The following EXD3 variants were observed in gnomAD, a reference collection of about 807,000 sequenced individuals.
The protein encoded by EXD3 is exonuclease mut-7 homolog.
A neutral mutation model predicts 98.0 loss-of-function variants in EXD3; 92 were observed. The ratio of observed to expected loss-of-function variants is 0.94; its 90% CI spans 0.79 to 1.12. The LOEUF (loss-of-function observed/expected upper bound fraction) is 1.12. Ranked by LOEUF, EXD3 falls within the 50% of genes most tolerant of loss-of-function variation. The pLI is 0.00. For missense variants in EXD3, 1,222 were observed against 1,191.6 expected, an observed-to-expected ratio of 1.03 and a Z score of -0.38; for synonymous variants, 569 against 526.0, an observed-to-expected ratio of 1.08 and a Z score of -1.12.
intron 17 of EXD3, among the ~76,000 whole-genome samples, chr9:137,328,111 C>A (rs538891976): frequency 0.015 from 2,300 of 150,958 alleles, 3 homozygotes; most frequent in Middle Eastern, 0.046. Context: ...AACTAATATA[C>A]ACCCATATGA....
chr9:137,334,150 C>T (rs867317210), intron 17 of EXD3, among the ~76,000 whole-genome samples: 5 of 152,136 alleles, frequency 3.3e-5, no homozygotes, highest in African/African-American at 4.8e-5. Context: ...TACAGGCACC[C>T]GCCACCACAC....
At chr9:137,328,578 G>A (rs917261336) in intron 17 of EXD3, among the ~76,000 whole-genome samples, 5 of 97,064 alleles carry the variant, frequency 5.2e-5, no homozygotes, top group African/African-American at 2.1e-4. Flanking sequence ...TAGTTACACA[G>A]GAGCTACACG....
chr9:137,377,445 T>TAAAAA (rs60776134), intron 3 of EXD3, among the ~76,000 whole-genome samples: 1 of 94,490 alleles, frequency 1.1e-5, no homozygotes, highest in African/African-American at 3.9e-5. Context: ...ACTCTGTCTC[T>TAAAAA]AAAAAAAAAA....
At chr9:137,391,323 G>A (rs1428986281) in intron 2 of EXD3, among the ~76,000 whole-genome samples, 2 of 152,242 alleles carry the variant, frequency 1.3e-5, no homozygotes, top group Non-Finnish European at 2.9e-5. Context: ...CGGGTGCCGA[G>A]GAACCCGTCT....
intron 11 of EXD3, 143 bp from the exon 12 acceptor site, chr9:137,352,344 C>T: frequency 8.4e-7 from 1 of 1,190,206 alleles, no homozygotes; most frequent in South Asian, 1.5e-5. Flanking sequence ...CTCAGTCCAG[C>T]CCAGCGTGAC....
chr9:137,415,002 C>T (rs1838170745), intron 1 of EXD3, among the ~76,000 whole-genome samples: 2 of 152,062 alleles, frequency 1.3e-5, no homozygotes, highest in Non-Finnish European at 2.9e-5. Context: ...ATTCTCCTGC[C>T]TCAGCCTCCC....
Position 137,349,643 on chromosome 9 carries a change from A to T in EXD3, c.1495-112T>A. 6.1e-6 allele frequency: 7 copies of T among 1,139,246 alleles called. No individual in the cohort carries two copies. The highest frequency in any genetic ancestry group is 8.3e-6 in the Non-Finnish European group (7 of 846,242). 70.6% of individuals were successfully genotyped at this position (1,139,246 alleles called of 1,614,324 possible). A position where few individuals can be genotyped will look rare whatever the true frequency, so the allele number is the denominator to read the frequency against. The stretch of plus-strand genomic sequence containing the variant: ...CTCTGGAGGAGGCCCCGCCCCCTCC[A>T]CCAGCGGCCCCCACAGCAGAGACGG... On this transcript the variant is annotated intron_variant, in intron 14 of 21. Coordinates refer to ENST00000340951, the MANE Select transcript of EXD3 (RefSeq NM_017820.5). The surrounding 1 kb of genome is among the most constrained non-coding windows in gnomAD (Gnocchi z 7.4).
chr9:137,388,415 A>C (rs1459431318), intron 2 of EXD3, among the ~76,000 whole-genome samples: 1 of 152,134 alleles, frequency 6.6e-6, no homozygotes, highest in Non-Finnish European at 1.5e-5. Flanking sequence ...ACTTCCTCCA[A>C]ACGACACCCG....
intron 17 of EXD3, among the ~76,000 whole-genome samples, chr9:137,344,582 C>T (rs1412259319): frequency 1.3e-5 from 2 of 152,206 alleles, no homozygotes; most frequent in African/African-American, 4.8e-5. Flanking sequence ...CTCACTCCTG[C>T]ACAGATACAC....
chr9:137,363,662 GT>G (rs1835094472), intron 7 of EXD3, among the ~76,000 whole-genome samples: 1 of 152,030 alleles, frequency 6.6e-6, no homozygotes, highest in Admixed American at 6.6e-5. Flanking sequence ...TTTCTTAAAT[GT>G]TTGAAAACTT....
intron 17 of EXD3, among the ~76,000 whole-genome samples, chr9:137,330,863 A>G (rs1833034588): frequency 6.6e-6 from 1 of 152,228 alleles, no homozygotes; most frequent in African/African-American, 2.4e-5. Context: ...AAGGTCTGCC[A>G]TGCAACAAGT....
intron 17 of EXD3, among the ~76,000 whole-genome samples, chr9:137,330,504 A>ACAGGACTACG (rs1564482000): frequency 4.8e-5 from 7 of 146,590 alleles, no homozygotes; most frequent in African/African-American, 1.8e-4. Flanking sequence ...CAGGAGCTAC[A>ACAGGACTACG]CAGGACTACG....
At chr9:137,308,348 C>A (rs1350127530) in intron 20 of EXD3, among the ~76,000 whole-genome samples, 2 of 152,168 alleles carry the variant, frequency 1.3e-5, no homozygotes, top group African/African-American at 2.4e-5. Flanking sequence ...AGCCCCAGCT[C>A]CTCCTTGAAG....
chr9:137,417,446 C>T (rs1434146286), intron 1 of EXD3, among the ~76,000 whole-genome samples: 2 of 152,286 alleles, frequency 1.3e-5, no homozygotes, highest in South Asian at 2.1e-4. Context: ...CGCATCTGCA[C>T]GGAGCCAACG....
Position 137,395,240 on chromosome 9 carries a change from G to T in EXD3, c.55+63C>A. On this transcript the variant is annotated intron_variant, in intron 2 of 21. Coordinates refer to ENST00000340951, the MANE Select transcript of EXD3 (RefSeq NM_017820.5). The surrounding 1 kb of genome is among the most constrained non-coding windows in gnomAD (Gnocchi z 6.5). ...CACAGTGGGCGCCACCACCCCCCAT[G>T]CACACCCACGCACCTCCCCCCACAG... The T allele has an allele frequency of 5.8e-6, 8 of 1,382,028 alleles. No homozygotes were observed. The highest frequency in any genetic ancestry group is 6.2e-6 in the Non-Finnish European group (6 of 971,226). 85.6% of individuals were successfully genotyped at this position (1,382,028 alleles called of 1,614,324 possible).
intron 12 of EXD3, 70 bp from the exon 13 acceptor site, chr9:137,351,598 T>A (rs11534416): frequency 1.4e-6 from 2 of 1,420,448 alleles, no homozygotes; most frequent in Admixed American, 2.0e-5. Context: ...AGCCTGGAGG[T>A]CCTGAGCAGC....
chr9:137,417,852 C>T (rs1357534534), intron 1 of EXD3, among the ~76,000 whole-genome samples: 1 of 151,702 alleles, frequency 6.6e-6, no homozygotes, highest in Admixed American at 6.6e-5. Context: ...GGCCGTCAGG[C>T]GGGGAGGAAA....
chr9:137,349,329 G>A lies in EXD3; in HGVS notation c.1657+40C>T, dbSNP rs1026684969. 10 of 1,552,728 alleles carry A rather than the reference G, an allele frequency of 6.4e-6. No individual in the cohort carries two copies. The highest frequency in any genetic ancestry group is 7.8e-6 in the Non-Finnish European group (9 of 1,154,160). ...GCCTCCCGGGACAGAGGGCGGGAGG[G>A]GCGTGAGGAGGGGTCACTCCCACCC... On this transcript the variant is annotated intron_variant, in intron 15 of 21. Coordinates refer to ENST00000340951, the MANE Select transcript of EXD3 (RefSeq NM_017820.5). The surrounding 1 kb of genome is among the most constrained non-coding windows in gnomAD (Gnocchi z 7.4).
At chr9:137,353,302 C>G (rs1410809759) in intron 10 of EXD3, 1 of 985,208 alleles carries the variant, frequency 1.0e-6, no homozygotes, top group Non-Finnish European at 1.2e-6. Context: ...AAGCCTCTGC[C>G]GGCCCTCCTG....
Sources: allele counts gnomAD v4.1 joint callset (sites outside exome capture counted in the v4.1 genomes callset), GRCh38; gene constraint gnomAD v4.1.1; non-coding constraint Gnocchi (gnomAD v3.1); transcripts MANE v1.5; gene names NCBI Gene and HGNC (gene_info 2026-07-23, HGNC 2026-07-21).